Variants in ERICH6B observed in about 807,000 individuals in gnomAD.
ERICH6B encodes the protein glutamate-rich protein 6B.
ERICH6B carries 69 observed loss-of-function variants against 80.0 expected under a neutral mutation model. The ratio of observed to expected loss-of-function variants is 0.86; its 90% CI spans 0.71 to 1.05. The LOEUF (loss-of-function observed/expected upper bound fraction) is 1.05, where lower values mean the gene tolerates loss of function less well. Ranked by LOEUF, ERICH6B falls within the 50% of genes least tolerant of loss-of-function variation. The pLI, the probability that ERICH6B is intolerant of heterozygous loss-of-function variation, is 0.00. For synonymous variants in ERICH6B, 283 were observed against 291.9 expected (o/e 0.97, Z 0.31); for missense variants, 754 against 796.1 (o/e 0.95, Z 0.64).
chr13:45,587,586 T>A (rs1875968418), intron 4 of ERICH6B, among the ~76,000 whole-genome samples: 2 of 152,198 alleles, frequency 1.3e-5, no homozygotes, highest in South Asian at 4.1e-4. Flanking sequence ...CACAGTTGTT[T>A]TGGGCAGAGT....
chr13:45,541,525 G>C lies in ERICH6B; in HGVS notation c.2028C>G (p.Ala676=), dbSNP rs747567399. ...TGTTGTCCATCAGTGATATACTGAC[G>C]GCCTCTATGAAGTTTTCCAGATCAG... The part of the protein sequence containing the change: ...TTPDLENFIE[A]VSISLMDNKY... The change falls in exon 15 of 15, where the codon GCC becomes GCG. Residue 676 remains alanine, a synonymous_variant. Transcript: ENST00000298738. The C allele has an allele frequency of 6.4e-7, 1 of 1,552,036 alleles. No individual in the cohort carries two copies. The highest frequency in any genetic ancestry group is 1.2e-5 in the South Asian group (1 of 84,040).
At chr13:45,549,052 G>A (rs1438833549) in intron 13 of ERICH6B, among the ~76,000 whole-genome samples, 1 of 152,160 alleles carries the variant, frequency 6.6e-6, no homozygotes, top group Non-Finnish European at 1.5e-5. Flanking sequence ...GGGTGGCTGA[G>A]GCGGATGGAT....
At chr13:45,569,219 G>A (rs113389286) in intron 8 of ERICH6B, among the ~76,000 whole-genome samples, 3 of 152,184 alleles carry the variant, frequency 2.0e-5, no homozygotes, top group East Asian at 3.9e-4. Flanking sequence ...TCCGCCTCCC[G>A]GGTTCAAGTG....
At chr13:45,602,053 C>T (rs1435465601) in intron 2 of ERICH6B, among the ~76,000 whole-genome samples, 2 of 152,150 alleles carry the variant, frequency 1.3e-5, no homozygotes, top group South Asian at 2.1e-4. Flanking sequence ...TCAGTTCATG[C>T]CATGGGGAGA....
chr13:45,611,474 G>A (rs1949899396), intron 1 of ERICH6B, among the ~76,000 whole-genome samples: 1 of 152,240 alleles, frequency 6.6e-6, no homozygotes, highest in South Asian at 2.1e-4. Flanking sequence ...AGATGCTTCA[G>A]TGGCATTGCA....
chr13:45,593,271 T>C (rs568137259), intron 3 of ERICH6B, among the ~76,000 whole-genome samples: 1 of 152,136 alleles, frequency 6.6e-6, no homozygotes, highest in African/African-American at 2.4e-5. Context: ...ATAGGGTAGA[T>C]GAGTGGAGGG....
rs144254249 is a variant in ERICH6B at position 45,556,276 on chromosome 13, T to C, written c.1407+5093A>G. 2.7e-3 allele frequency among the ~76,000 whole-genome samples: 406 copies of C among 152,208 alleles called. 2 individuals are homozygous for C. The highest frequency in any genetic ancestry group is 9.3e-3 in the African/African-American group (386 of 41,518). On this transcript the variant is annotated intron_variant, in intron 11 of 14. Coordinates refer to ENST00000298738, the MANE Select transcript of ERICH6B (RefSeq NM_182542.3). ...TATCTCCAGCACTTAGCAGAGTGCC[T>C]AGGGCACCGTAGGTTCTCCACATGT...
chr13:45,559,694 T>A (rs574182159), intron 11 of ERICH6B, among the ~76,000 whole-genome samples: 1 of 152,184 alleles, frequency 6.6e-6, no homozygotes, highest in Non-Finnish European at 1.5e-5. Context: ...TCCATATATT[T>A]GCATGGTTTT....
chr13:45,544,598 G>A (rs879141123), intron 14 of ERICH6B, among the ~76,000 whole-genome samples, 162 bp downstream of exon 14: 1 of 152,192 alleles, frequency 6.6e-6, no homozygotes, highest in Non-Finnish European at 1.5e-5. Flanking sequence ...GTATTTGTGT[G>A]TACTTAAACA....
In ERICH6B at chr13:45,580,590, T is replaced by C; in HGVS notation, c.919+13A>G. 6.4e-7 allele frequency: 1 copy of C among 1,551,370 alleles called. No homozygotes were observed. Among genetic ancestry groups the C allele is most frequent in the South Asian group, 1.2e-5 (1 of 84,038 alleles). ...AACTTCTACAGATCATTTAAAATCA[T>C]CATAAACTTTACCTTCCGGAGCCAG... On this transcript the variant is annotated intron_variant, in intron 6 of 14. Transcript: ENST00000298738.
intron 11 of ERICH6B, among the ~76,000 whole-genome samples, chr13:45,555,057 G>C (rs757924530): frequency 2.6e-5 from 4 of 152,064 alleles, no homozygotes; most frequent in Non-Finnish European, 5.9e-5. Context: ...TGGCTGCAGG[G>C]AGGACATTTT....
Position 45,596,666 on chromosome 13 carries a change from C to T in ERICH6B, c.340G>A (p.Glu114Lys). The change falls in exon 3 of 15, where the codon GAG becomes AAG. Residue 114 changes from glutamate to lysine, a missense_variant. Coordinates refer to ENST00000298738, the MANE Select transcript of ERICH6B (RefSeq NM_182542.3). ...LEEEEYIEEE[E>K]YLGKEGYLEE... ...AGATACCCTTCCTTCCCCAGATACT[C>T]TTCCTCTTCAATATACTCTTCCTCC... The T allele has an allele frequency of 6.4e-7, 1 of 1,551,948 alleles. No individual in the cohort carries two copies. The highest frequency in any genetic ancestry group is 2.0e-5 in the Admixed American group (1 of 50,988).
intron 9 of ERICH6B, among the ~76,000 whole-genome samples, chr13:45,564,572 G>T (rs1316953323): frequency 6.6e-6 from 1 of 152,190 alleles, no homozygotes; most frequent in African/African-American, 2.4e-5. Flanking sequence ...AACATCCTTT[G>T]CTGGAAAGGG....
chr13:45,576,466 AC>A (rs1875408868), intron 7 of ERICH6B, among the ~76,000 whole-genome samples: 1 of 152,234 alleles, frequency 6.6e-6, no homozygotes, highest in Non-Finnish European at 1.5e-5. Flanking sequence ...TTTAAAAAAA[AC>A]ATTGAAGAAA....
At chr13:45,612,010 T>C (rs1329124501) in intron 1 of ERICH6B, among the ~76,000 whole-genome samples, 2 of 152,204 alleles carry the variant, frequency 1.3e-5, no homozygotes, top group Non-Finnish European at 2.9e-5. Context: ...TCTTTATCTG[T>C]TTTTTCTTCT....
intron 2 of ERICH6B, among the ~76,000 whole-genome samples, chr13:45,600,693 A>G (rs947866751): frequency 2.0e-5 from 3 of 152,112 alleles, no homozygotes; most frequent in Non-Finnish European, 2.9e-5. Flanking sequence ...TCATTCTTTT[A>G]TGACTGCACA....
intron 2 of ERICH6B, among the ~76,000 whole-genome samples, chr13:45,598,922 C>T (rs1387657844): frequency 6.6e-6 from 1 of 152,182 alleles, no homozygotes; most frequent in African/African-American, 2.4e-5. Flanking sequence ...AGGCAGCGCA[C>T]CTCTGAGAGG....
At chr13:45,601,027 AG>A (rs1427944455) in intron 2 of ERICH6B, among the ~76,000 whole-genome samples, 3 of 152,152 alleles carry the variant, frequency 2.0e-5, no homozygotes, top group South Asian at 2.1e-4. Flanking sequence ...GCCTTCATCA[AG>A]AATTCTGTCA....
chr13:45,596,264 T>A lies in ERICH6B; in HGVS notation c.637+105A>T, dbSNP rs1256220890. The stretch of plus-strand genomic sequence containing the variant: ...AGAGTTACCATCCTTTGGGATGCCC[T>A]CCTCCAGATACTCATCCCTTTCCAG... On this transcript the variant is annotated intron_variant, in intron 3 of 14. Coordinates refer to ENST00000298738, the MANE Select transcript of ERICH6B (RefSeq NM_182542.3). The A allele has an allele frequency of 2.2e-6, 3 of 1,347,390 alleles. No individual in the cohort carries two copies. The East Asian group carries it at 7.5e-5, about 34-fold the overall frequency. 83.5% of individuals were successfully genotyped at this position (1,347,390 alleles called of 1,614,324 possible). A position where few individuals can be genotyped will look rare whatever the true frequency, so the allele number is the denominator to read the frequency against.
Sources: allele counts gnomAD v4.1 joint callset (sites outside exome capture counted in the v4.1 genomes callset), GRCh38; gene constraint gnomAD v4.1.1; transcripts MANE v1.5; gene names NCBI Gene and HGNC (gene_info 2026-07-23, HGNC 2026-07-21).